KDM2B: variants seen among roughly 807,000 people sequenced by gnomAD.
The protein encoded by KDM2B is lysine demethylase 2B.
KDM2B carries 26 observed loss-of-function variants against 150.0 expected under a neutral mutation model. The observed-to-expected ratio is 0.17, with a 90% CI of 0.13 to 0.24. KDM2B has a LOEUF of 0.24. Ranked by LOEUF, KDM2B falls within the 10% of genes least tolerant of loss-of-function variation. The pLI, the probability that KDM2B is intolerant of heterozygous loss-of-function variation, is 1.00. For missense variants in KDM2B, 1,265 were observed against 1,816.9 expected (o/e 0.70, Z 5.52); for synonymous variants, 734 against 729.5 (o/e 1.01, Z -0.10).
At chr12:121,525,053 A>G (rs1415871288) in intron 8 of KDM2B, among the ~76,000 whole-genome samples, 1 of 151,958 alleles carries the variant, frequency 6.6e-6, no homozygotes, top group African/African-American at 2.4e-5. Flanking sequence ...GGCAAGGGAC[A>G]CCTCACAGAC....
At chr12:121,569,673 A>G (rs1555315607) in intron 4 of KDM2B, among the ~76,000 whole-genome samples, 2 of 152,138 alleles carry the variant, frequency 1.3e-5, no homozygotes, top group African/African-American at 4.8e-5. Context: ...AATGGGCATA[A>G]TAATTCCCCA....
At chr12:121,426,328 G>T (rs1555284231), downstream of KDM2B, among the ~76,000 whole-genome samples, 3 of 152,004 alleles carry the variant, frequency 2.0e-5, no homozygotes, top group Non-Finnish European at 4.4e-5. Flanking sequence ...AGAAATGTCA[G>T]ACAACAGAAA....
the KDM2B span, among the ~76,000 whole-genome samples, chr12:121,412,271 G>A: frequency 1.7e-5 from 2 of 115,744 alleles, no homozygotes; most frequent in African/African-American, 6.6e-5. Context: ...ATGGAGTCCC[G>A]CTCTGTTGCC....
At position 121,467,258 on chromosome 12, in the gene KDM2B, GCGC is replaced by G. The variant is rs1413959731; in HGVS notation, c.1735-13917_1735-13915del. 2.6e-5 allele frequency: 26 copies of G among 989,048 alleles called. No individual in the cohort carries two copies. Among genetic ancestry groups the G allele is most frequent in the East Asian group, 2.3e-4 (2 of 8,612 alleles). The allele number at this position is 989,048 out of a possible 1,614,324, so 61.3% of individuals were successfully genotyped here. On this transcript the variant is annotated intron_variant, in intron 12 of 22. Coordinates refer to ENST00000377071, the MANE Select transcript of KDM2B (RefSeq NM_032590.5). The surrounding 1 kb of genome is among the most constrained non-coding windows in gnomAD (Gnocchi z 5.1). ...CGCGCGCGCTGACATGGCTGGAGCG[GCGC>G]CGCCGCCGCCGCCCGCCCGGAGCAG...
intron 22 of KDM2B, among the ~76,000 whole-genome samples, chr12:121,436,270 C>G (rs1471595093): frequency 6.6e-6 from 1 of 152,130 alleles, no homozygotes; most frequent in Non-Finnish European, 1.5e-5. Flanking sequence ...GCCTGTAATC[C>G]CAGCACTTTG....
Position 121,442,681 on chromosome 12 carries a change from G to C in KDM2B, c.2760C>G (p.Ser920Arg), listed in dbSNP as rs367591409. ...SRSSSPTAGP[S>R]TEGAEGPEEK... ...CCTCCGGGCCCTCGGCCCCTTCGGT[G>C]CTGGGTCCCGCGGTGGGGGAGCTGG... is the stretch of plus-strand genomic sequence containing the variant. Residue 920 changes from serine to arginine, a missense_variant, in exon 19 of 23, where the codon AGC becomes AGG. Physicochemically the swap from Ser to Arg is moderately radical, Grantham distance 110 (BLOSUM62 -1). Transcript: ENST00000377071. The surrounding 1 kb of genome is among the most constrained non-coding windows in gnomAD (Gnocchi z 7.7). The C allele has an allele frequency of 2.5e-6, 4 of 1,603,152 alleles. No homozygotes were observed. Among genetic ancestry groups the C allele is most frequent in the Non-Finnish European group, 3.4e-6 (4 of 1,175,392 alleles).
At chr12:121,428,930 G>A (rs1294346861), downstream of KDM2B, among the ~76,000 whole-genome samples, 1 of 152,134 alleles carries the variant, frequency 6.6e-6, no homozygotes, top group African/African-American at 2.4e-5. Context: ...CAGATGATGA[G>A]CAGCTCTTCT....
chr12:121,436,683 A>G (rs1874047342), intron 22 of KDM2B, among the ~76,000 whole-genome samples: 1 of 152,156 alleles, frequency 6.6e-6, no homozygotes, highest in African/African-American at 2.4e-5. Flanking sequence ...AAGTTTTTCT[A>G]CAAGTGAAGA....
rs1555293489 is a variant in KDM2B, at chr12:121,459,762, A to G, written c.1735-6418T>C. ...AGAGAATCGCTTGAACCCAGGAGGCAGAGGTTGCAGTGAGCCAAGATCACA... is the reference window on the plus strand; with the variant it reads ...AGAGAATCGCTTGAACCCAGGAGGCGGAGGTTGCAGTGAGCCAAGATCACA... On this transcript the variant is annotated intron_variant, in intron 12 of 22. Coordinates refer to ENST00000377071, the MANE Select transcript of KDM2B (RefSeq NM_032590.5). Among the ~76,000 whole-genome samples the G allele has an allele frequency of 3.3e-5, 5 of 152,014 alleles. No homozygotes were observed. In the South Asian group the frequency reaches 1.0e-3, roughly 32 times the overall value.
At chr12:121,478,028 C>T (rs1881587648) in intron 12 of KDM2B, among the ~76,000 whole-genome samples, 1 of 151,976 alleles carries the variant, frequency 6.6e-6, no homozygotes, top group Admixed American at 6.6e-5. Flanking sequence ...CAGGCGTGAG[C>T]CACCTCAACT....
intron 12 of KDM2B, among the ~76,000 whole-genome samples, chr12:121,484,619 A>C (rs550126635): frequency 6.6e-6 from 1 of 151,990 alleles, no homozygotes; most frequent in Non-Finnish European, 1.5e-5. Context: ...GGAGGTCAAG[A>C]CCAATCTGAG....
intron 14 of KDM2B, chr12:121,444,778 C>T (rs1471272066): frequency 2.3e-5 from 13 of 567,572 alleles, no homozygotes; most frequent in South Asian, 1.4e-4. Flanking sequence ...CAAGACACTC[C>T]GTCTCTGTGG....
At position 121,452,508 on chromosome 12, in the gene KDM2B, C is replaced by T. The variant is rs1877461135; in HGVS notation, c.1959+612G>A. ...ATGACTCCTCCACAGGGAGGACCGCCGGCCCCCGGGGAGCAGCGCCCTGAG... is the reference window on the plus strand; with the variant it reads ...ATGACTCCTCCACAGGGAGGACCGCTGGCCCCCGGGGAGCAGCGCCCTGAG... On this transcript the variant is annotated intron_variant, in intron 13 of 22. Coordinates refer to ENST00000377071, the MANE Select transcript of KDM2B (RefSeq NM_032590.5). The surrounding 1 kb of genome is among the most constrained non-coding windows in gnomAD (Gnocchi z 4.4). Among the ~76,000 whole-genome samples the T allele has an allele frequency of 6.6e-6, 1 of 152,208 alleles. No homozygotes were observed. The highest frequency in any genetic ancestry group is 6.5e-5 in the Admixed American group (1 of 15,294).
intron 4 of KDM2B, among the ~76,000 whole-genome samples, chr12:121,553,610 GT>G (rs1397159998): frequency 6.6e-6 from 1 of 152,146 alleles, no homozygotes; most frequent in African/African-American, 2.4e-5. Flanking sequence ...ACATAACTGA[GT>G]TCATGCACTT....
chr12:121,569,334 T>C (rs1384409853), intron 4 of KDM2B, among the ~76,000 whole-genome samples: 4 of 152,184 alleles, frequency 2.6e-5, no homozygotes, highest in African/African-American at 9.6e-5. Flanking sequence ...GGAAGGACCC[T>C]GAGCTGGCAG....
intron 22 of KDM2B, among the ~76,000 whole-genome samples, chr12:121,437,832 A>G (rs1874261604): frequency 6.6e-6 from 1 of 152,156 alleles, no homozygotes; most frequent in African/African-American, 2.4e-5. Flanking sequence ...TGGTGCTTGC[A>G]TCAGGACAAG....
At chr12:121,484,119 C>T (rs146438836) in intron 12 of KDM2B, among the ~76,000 whole-genome samples, 1 of 152,298 alleles carries the variant, frequency 6.6e-6, no homozygotes, top group Admixed American at 6.5e-5. Context: ...CCTCCCTCTC[C>T]TCCCACCTTC....
chr12:121,408,611 A>G, the KDM2B span, among the ~76,000 whole-genome samples: 1 of 152,168 alleles, frequency 6.6e-6, no homozygotes, highest in Non-Finnish European at 1.5e-5. Flanking sequence ...AATTTCTGAA[A>G]TTTATGAGAA....
chr12:121,421,981 G>A, the KDM2B span, among the ~76,000 whole-genome samples: 5 of 152,208 alleles, frequency 3.3e-5, no homozygotes, highest in Non-Finnish European at 7.3e-5. Context: ...TGATGTCACA[G>A]TGGTAGATGC....
Sources: allele counts gnomAD v4.1 joint callset (sites outside exome capture counted in the v4.1 genomes callset), GRCh38; gene constraint gnomAD v4.1.1; non-coding constraint Gnocchi (gnomAD v3.1); transcripts MANE v1.5; gene names NCBI Gene and HGNC (gene_info 2026-07-23, HGNC 2026-07-21).